Variants in STX8 observed in about 807,000 individuals in gnomAD.
STX8 encodes syntaxin-8.
A neutral mutation model predicts 37.5 loss-of-function variants in STX8; 23 were observed. The observed-to-expected ratio is 0.61, with a 90% CI of 0.44 to 0.87. STX8 has a LOEUF of 0.87. Ranked by LOEUF, STX8 falls within the 40% of genes least tolerant of loss-of-function variation. The probability of loss-of-function intolerance (pLI) is 0.00; values close to 1 mark genes in which losing one functional copy is unlikely to be tolerated. For synonymous variants in STX8, 115 were observed against 99.1 expected (o/e 1.16, Z -0.95); for missense variants, 313 against 284.7 (o/e 1.10, Z -0.71).
chr17:9,418,684 G>A (rs547865374), intron 6 of STX8, among the ~76,000 whole-genome samples: 25 of 151,522 alleles, frequency 1.6e-4, no homozygotes, highest in East Asian at 1.4e-3. Flanking sequence ...AAAATTAGCC[G>A]GGCGTGGTGG....
At chr17:9,504,552 G>A (rs936432537) in intron 5 of STX8, among the ~76,000 whole-genome samples, 1 of 150,460 alleles carries the variant, frequency 6.6e-6, no homozygotes, top group Non-Finnish European at 1.5e-5. Context: ...CCACTTCCAT[G>A]AGCCACCGAG....
chr17:9,385,663 T>C (rs534334156), intron 6 of STX8, among the ~76,000 whole-genome samples: 2 of 152,352 alleles, frequency 1.3e-5, no homozygotes, highest in East Asian at 3.9e-4. Flanking sequence ...ACAATACTAA[T>C]TGTTGGGGGA....
intron 6 of STX8, among the ~76,000 whole-genome samples, chr17:9,424,840 A>G (rs1464841495): frequency 6.6e-6 from 1 of 152,242 alleles, no homozygotes; most frequent in Non-Finnish European, 1.5e-5. Context: ...CCGAGGATGC[A>G]AAGATATGAC....
At chr17:9,485,944 CAGAG>C (rs1346250469) in intron 6 of STX8, among the ~76,000 whole-genome samples, 1 of 152,040 alleles carries the variant, frequency 6.6e-6, no homozygotes, top group Admixed American at 6.6e-5. Context: ...TACAGAAAAA[CAGAG>C]GGAAGGAAAT....
intron 7 of STX8, among the ~76,000 whole-genome samples, chr17:9,250,875 C>T (rs546497101): frequency 1.3e-5 from 2 of 152,168 alleles, no homozygotes; most frequent in African/African-American, 4.8e-5. Context: ...CAGGCCCCCC[C>T]AGGCAGCACT....
intron 6 of STX8, among the ~76,000 whole-genome samples, chr17:9,451,988 T>C (rs1354884925): frequency 7.2e-5 from 11 of 152,238 alleles, no homozygotes; most frequent in Admixed American, 7.2e-4. Context: ...GAAGGATTTA[T>C]TGCAATCTCT....
intron 7 of STX8, among the ~76,000 whole-genome samples, chr17:9,266,875 A>G (rs920853485): frequency 6.6e-6 from 1 of 152,222 alleles, no homozygotes; most frequent in African/African-American, 2.4e-5. Flanking sequence ...TCTTTTCCCA[A>G]GTAACCACAA....
intron 6 of STX8, among the ~76,000 whole-genome samples, chr17:9,428,246 T>C (rs1351262210): frequency 6.6e-6 from 1 of 150,594 alleles, no homozygotes; most frequent in East Asian, 1.9e-4. Flanking sequence ...TTTTGTTTTG[T>C]TTTGTTTTGT....
Position 9,490,802 on chromosome 17 carries a change from C to T in STX8, c.541+1027G>A, listed in dbSNP as rs145429566. On this transcript the variant is annotated intron_variant, in intron 6 of 7. Transcript: ENST00000306357. ...GCCAGTTTAGCAGCAAAAGCAGTCA[C>T]GTTAGAATCAGAAGACCTGAGCTGG... Among the ~76,000 whole-genome samples, 304 of 152,268 alleles carry T rather than the reference C, an allele frequency of 2.0e-3. 1 individual carries two copies. The highest frequency in any genetic ancestry group is 7.0e-3 in the African/African-American group (289 of 41,516).
At chr17:9,269,331 G>A (rs1907364777) in intron 7 of STX8, among the ~76,000 whole-genome samples, 1 of 152,212 alleles carries the variant, frequency 6.6e-6, no homozygotes, top group Non-Finnish European at 1.5e-5. Flanking sequence ...TTTCCCTTAA[G>A]ACGCTCCAGC....
intron 4 of STX8, among the ~76,000 whole-genome samples, chr17:9,544,344 C>G (rs544795014): frequency 1.3e-5 from 2 of 152,194 alleles, no homozygotes; most frequent in South Asian, 2.1e-4. Flanking sequence ...AAGCCCGACC[C>G]GTCCTCCAGG....
Position 9,441,744 on chromosome 17 carries a change from CA to C in STX8, c.541+50084del, listed in dbSNP as rs1346747600. 2.1e-5 allele frequency among the ~76,000 whole-genome samples: 3 copies of C among 141,526 alleles called. No individual in the cohort carries two copies. In the Admixed American group the frequency reaches 2.3e-4, roughly 11 times the overall value. 92.8% of individuals were successfully genotyped at this position (141,526 alleles called of 152,430 possible). A position where few individuals can be genotyped will look rare whatever the true frequency, so the allele number is the denominator to read the frequency against. On this transcript the variant is annotated intron_variant, in intron 6 of 7. Transcript: ENST00000306357. ...AGGCTGGAGTGCAGTGGCGCGATCT[CA>C]GCTCACGGCAAGCTCCGCCTCCCGG... is the stretch of plus-strand genomic sequence containing the variant.
At chr17:9,299,766 T>G (rs1284719405) in intron 7 of STX8, among the ~76,000 whole-genome samples, 1 of 152,106 alleles carries the variant, frequency 6.6e-6, no homozygotes, top group African/African-American at 2.4e-5. Context: ...TTAATACTGG[T>G]CATACCACTT....
chr17:9,344,876 CTTG>C (rs1910481832), intron 7 of STX8, among the ~76,000 whole-genome samples: 1 of 152,230 alleles, frequency 6.6e-6, no homozygotes, highest in Admixed American at 6.5e-5. Context: ...GGTTTAGTGA[CTTG>C]TTAGCTTACA....
At chr17:9,458,981 C>T (rs1035228089) in intron 6 of STX8, among the ~76,000 whole-genome samples, 2 of 152,024 alleles carry the variant, frequency 1.3e-5, no homozygotes, top group Non-Finnish European at 2.9e-5. Context: ...AGGCGCCCAC[C>T]ACCACGCCCG....
At chr17:9,276,771 G>A (rs1379495000) in intron 7 of STX8, among the ~76,000 whole-genome samples, 2 of 151,630 alleles carry the variant, frequency 1.3e-5, no homozygotes, top group Non-Finnish European at 2.9e-5. Context: ...GAGTAGCTGG[G>A]ATTACAGGTG....
intron 6 of STX8, among the ~76,000 whole-genome samples, chr17:9,408,848 G>T (rs1196851639): frequency 6.6e-6 from 1 of 152,052 alleles, no homozygotes; most frequent in Non-Finnish European, 1.5e-5. Context: ...CTACGTGAGG[G>T]TCCTAAGTCT....
intron 6 of STX8, among the ~76,000 whole-genome samples, chr17:9,480,580 C>T (rs1018453383): frequency 6.6e-6 from 1 of 152,028 alleles, no homozygotes; most frequent in Non-Finnish European, 1.5e-5. Flanking sequence ...GAAGTCCTTC[C>T]AAAAGATGGA....
chr17:9,368,337 T>C (rs1425939597), intron 7 of STX8, among the ~76,000 whole-genome samples: 2 of 151,966 alleles, frequency 1.3e-5, no homozygotes, highest in Non-Finnish European at 2.9e-5. Flanking sequence ...ACTCCGTCTC[T>C]ACTAAAAATA....
Sources: gnomAD v4.1 joint callset for allele counts (sites outside exome capture counted in the v4.1 genomes callset) on GRCh38, gnomAD v4.1.1 for gene constraint, MANE v1.5 for transcripts, NCBI Gene and HGNC (gene_info 2026-07-23, HGNC 2026-07-21) for gene names.